Variants in ARHGAP21 observed in about 807,000 individuals in gnomAD.
ARHGAP21 encodes the protein rho GTPase-activating protein 21.
A neutral mutation model predicts 164.6 loss-of-function variants in ARHGAP21; 38 were observed. The observed-to-expected ratio is 0.23, with a 90% CI of 0.18 to 0.30. The LOEUF (loss-of-function observed/expected upper bound fraction) is 0.30. ARHGAP21 is among the 10% of genes least tolerant of loss of function. The pLI, the probability that ARHGAP21 is intolerant of heterozygous loss-of-function variation, is 1.00. For missense variants in ARHGAP21, 1,822 were observed against 2,370.7 expected (o/e 0.77, Z 4.81); for synonymous variants, 766 against 857.9 (o/e 0.89, Z 1.87).
chr10:24,718,872 A>C (rs911327140), intron 2 of ARHGAP21, among the ~76,000 whole-genome samples: 4 of 152,202 alleles, frequency 2.6e-5, no homozygotes, highest in African/African-American at 9.7e-5. Flanking sequence ...GACTACAGAT[A>C]AAAAATGAAA....
intron 4 of ARHGAP21, among the ~76,000 whole-genome samples, chr10:24,655,479 T>G (rs1233356593): frequency 6.6e-6 from 1 of 152,168 alleles, no homozygotes; most frequent in African/African-American, 2.4e-5. Flanking sequence ...CAGACACTTC[T>G]CAAAAGAAGA....
At position 24,670,358 on chromosome 10, in the gene ARHGAP21, C is replaced by G. The variant is rs377387522; in HGVS notation, c.103G>C (p.Val35Leu). The G allele has an allele frequency of 3.1e-5, 50 of 1,601,860 alleles. No homozygotes were observed. The highest frequency in any genetic ancestry group is 4.0e-5 in the African/African-American group (3 of 74,628). Reference protein sequence around the residue: ...NKDGKEQSETVSLSEDETFSW... With the variant: ...NKDGKEQSETLSLSEDETFSW... ...AATGTTTCATCTTCAGACAGTGATA[C>G]AGTTTCACTTTGTTCTTTTCCATCT... The change falls in exon 3 of 26, where the codon GTA becomes CTA. Residue 35 changes from valine (V) to leucine (L), a missense_variant. Val to Leu is a conservative substitution (Grantham distance 32, BLOSUM62 1). Coordinates refer to ENST00000396432, the MANE Select transcript of ARHGAP21 (RefSeq NM_020824.4).
intron 9 of ARHGAP21, among the ~76,000 whole-genome samples, chr10:24,615,435 G>A (rs1565018170): frequency 6.6e-6 from 1 of 152,120 alleles, no homozygotes; most frequent in South Asian, 2.1e-4. Flanking sequence ...ACAAAAGCAT[G>A]GGGAAGAGAT....
At position 24,595,815 on chromosome 10, in the gene ARHGAP21, ATATAG is replaced by A; in HGVS notation, c.3634-25_3634-21del. On this transcript the variant is annotated intron_variant, in intron 18 of 25. Transcript: ENST00000396432. ...CCATTTCTAGGTGTACAAAATAGAA[ATATAG>A]TATTTTCATATCCAGTTCCACCAAA... is the stretch of plus-strand genomic sequence containing the variant. The A allele has an allele frequency of 6.2e-7, 1 of 1,611,940 alleles. No individual in the cohort carries two copies. Among genetic ancestry groups the A allele is most frequent in the East Asian group, 2.2e-5 (1 of 44,746 alleles).
At chr10:24,592,518 A>G (rs2076378292) in intron 21 of ARHGAP21, among the ~76,000 whole-genome samples, 1 of 152,184 alleles carries the variant, frequency 6.6e-6, no homozygotes, top group African/African-American at 2.4e-5. Context: ...ATCAAAGGAA[A>G]AAAAAACTTG....
intron 7 of ARHGAP21, among the ~76,000 whole-genome samples, chr10:24,627,478 G>C (rs1835258325): frequency 1.3e-5 from 2 of 150,552 alleles, no homozygotes; most frequent in African/African-American, 4.9e-5. Context: ...TTAAAAAGTA[G>C]AGTTTTCTTT....
At chr10:24,607,454 AC>A in intron 11 of ARHGAP21, 44 bp downstream of exon 11, 1 of 1,519,246 alleles carries the variant, frequency 6.6e-7, no homozygotes, top group Non-Finnish European at 9.1e-7. Context: ...CATGCTGAAC[AC>A]CCACCCACAT....
intron 4 of ARHGAP21, among the ~76,000 whole-genome samples, chr10:24,647,216 G>A (rs552099936): frequency 6.6e-6 from 1 of 152,172 alleles, no homozygotes; most frequent in Non-Finnish European, 1.5e-5. Flanking sequence ...GAATCCAGTT[G>A]AATTCCTTGC....
At chr10:24,586,848 G>C (rs2076123736) in intron 25 of ARHGAP21, among the ~76,000 whole-genome samples, 1 of 152,162 alleles carries the variant, frequency 6.6e-6, no homozygotes, top group African/African-American at 2.4e-5. Context: ...AGAAGTTCGA[G>C]ATCAGCCTAG....
Position 24,595,810 on chromosome 10 carries a change from T to C in ARHGAP21, c.3634-15A>G. 2 of 1,612,042 alleles carry C rather than the reference T, an allele frequency of 1.2e-6. No homozygotes were observed. The highest frequency in any genetic ancestry group is 1.1e-5 in the South Asian group (1 of 90,556). On this transcript the variant is annotated splice_polypyrimidine_tract_variant and intron_variant, in intron 18 of 25. Transcript: ENST00000396432. ...TCTCGCCATTTCTAGGTGTACAAAA[T>C]AGAAATATAGTATTTTCATATCCAG...
At chr10:24,652,216 G>T (rs1281550939) in intron 4 of ARHGAP21, among the ~76,000 whole-genome samples, 1 of 152,194 alleles carries the variant, frequency 6.6e-6, no homozygotes, top group Non-Finnish European at 1.5e-5. Flanking sequence ...TACAATTTAT[G>T]ATCAAGGTGG....
intron 4 of ARHGAP21, among the ~76,000 whole-genome samples, chr10:24,646,238 T>C (rs1476754656): frequency 1.3e-5 from 2 of 152,126 alleles, no homozygotes; most frequent in East Asian, 3.8e-4. Context: ...GTACTTTCAA[T>C]GTAGGCTAAC....
At chr10:24,654,079 C>T (rs2131581301) in intron 4 of ARHGAP21, among the ~76,000 whole-genome samples, 1 of 152,244 alleles carries the variant, frequency 6.6e-6, no homozygotes, top group African/African-American at 2.4e-5. Context: ...TTCAACAGCC[C>T]TTCATGCTAA....
At chr10:24,650,352 C>T (rs1258033686) in intron 4 of ARHGAP21, among the ~76,000 whole-genome samples, 1 of 152,128 alleles carries the variant, frequency 6.6e-6, no homozygotes, top group South Asian at 2.1e-4. Context: ...GAGACCCCAT[C>T]TCTTTAAAAA....
intron 9 of ARHGAP21, among the ~76,000 whole-genome samples, chr10:24,615,010 G>A (rs1339438975): frequency 1.3e-5 from 2 of 151,826 alleles, no homozygotes; most frequent in South Asian, 2.1e-4. Context: ...CTAACATGGT[G>A]AAACCCCGTT....
intron 4 of ARHGAP21, among the ~76,000 whole-genome samples, chr10:24,649,763 CAGAGAAAACA>C (rs1411964493): frequency 6.8e-6 from 1 of 146,912 alleles, no homozygotes; most frequent in Non-Finnish European, 1.5e-5. Context: ...GAAAACAAAC[CAGAGAAAACA>C]AACAAGAGAA....
chr10:24,693,933 TAATCTTCA>T (rs1286370826), intron 2 of ARHGAP21, among the ~76,000 whole-genome samples: 2 of 152,234 alleles, frequency 1.3e-5, no homozygotes, highest in African/African-American at 4.8e-5. Context: ...CACTAGACTA[TAATCTTCA>T]GGAACACAGA....
At chr10:24,597,391 C>A in intron 16 of ARHGAP21, 56 bp downstream of exon 16, 1 of 1,579,022 alleles carries the variant, frequency 6.3e-7, no homozygotes, top group Non-Finnish European at 8.6e-7. Flanking sequence ...AAACGTACCT[C>A]AACGATGCCA....
intron 16 of ARHGAP21, 49 bp from the exon 17 acceptor site, chr10:24,596,931 T>A: frequency 1.9e-6 from 3 of 1,559,316 alleles, no homozygotes; most frequent in Non-Finnish European, 2.6e-6. Flanking sequence ...TGGAAATGAG[T>A]GTCTAAATCA....
Sources: allele counts gnomAD v4.1 joint callset (sites outside exome capture counted in the v4.1 genomes callset), GRCh38; gene constraint gnomAD v4.1.1; transcripts MANE v1.5; gene names NCBI Gene and HGNC (gene_info 2026-07-23, HGNC 2026-07-21).